Variants in MED12L observed in about 807,000 individuals in gnomAD.
The protein encoded by MED12L is mediator complex subunit 12L.
Under a neutral mutation model 281.3 loss-of-function variants are expected in MED12L, and 60 were observed. The ratio of observed to expected loss-of-function variants is 0.21; its 90% confidence interval spans 0.17 to 0.26. MED12L has a LOEUF of 0.26. Among genes scored for constraint, MED12L ranks in the 10% least tolerant of loss-of-function variants. The probability of loss-of-function intolerance (pLI) is 1.00; values close to 1 mark genes in which losing one functional copy is unlikely to be tolerated. For missense variants in MED12L, 2,146 were observed against 2,680.9 expected, an observed-to-expected ratio of 0.80 and a Z score of 4.41; for synonymous variants, 974 against 987.2, an observed-to-expected ratio of 0.99 and a Z score of 0.25.
intron 16 of MED12L, among the ~76,000 whole-genome samples, chr3:151,254,571 T>C (rs1737473637): frequency 6.6e-6 from 1 of 152,152 alleles, no homozygotes; most frequent in Admixed American, 6.5e-5. Context: ...CCAAACCTTA[T>C]TTAATCTAGT....
At chr3:151,197,034 A>G (rs77912227) in intron 16 of MED12L, among the ~76,000 whole-genome samples, 1,934 of 152,304 alleles carry the variant, frequency 0.013, 34 homozygotes, top group African/African-American at 0.038. Context: ...AATTTTTCCA[A>G]TATTCTTTTT....
At chr3:151,312,978 T>G (rs1747749647) in intron 16 of MED12L, among the ~76,000 whole-genome samples, 1 of 152,222 alleles carries the variant, frequency 6.6e-6, no homozygotes, top group Non-Finnish European at 1.5e-5. Context: ...CTCTAGTTTT[T>G]CAGATGAAAA....
In MED12L at chr3:151,383,893, G is replaced by A. The variant is rs144173444; in HGVS notation, c.4790+5G>A. On this transcript the variant is annotated splice_donor_5th_base_variant and intron_variant, in intron 34 of 44. Transcript: ENST00000687756. ...TGTTGACATGCACACTAACAAGTATGTTTTTATCACTTCACATTGATTTTG... is the reference window on the plus strand; with the variant it reads ...TGTTGACATGCACACTAACAAGTATATTTTTATCACTTCACATTGATTTTG... The A allele has an allele frequency of 6.2e-7, 1 of 1,608,892 alleles. No individual in the cohort carries two copies. Among genetic ancestry groups the A allele is most frequent in the Non-Finnish European group, 8.5e-7 (1 of 1,175,820 alleles).
At chr3:151,245,043 C>G (rs1021793286) in intron 16 of MED12L, among the ~76,000 whole-genome samples, 1 of 152,174 alleles carries the variant, frequency 6.6e-6, no homozygotes, top group South Asian at 2.1e-4. Context: ...TTCCTTGACA[C>G]ATACACTCTC....
intron 2 of MED12L, among the ~76,000 whole-genome samples, chr3:151,089,993 C>T (rs893299424): frequency 3.9e-5 from 6 of 152,198 alleles, no homozygotes; most frequent in African/African-American, 1.4e-4. Flanking sequence ...TATGCTTGGT[C>T]TCCCTTCTGG....
intron 32 of MED12L, among the ~76,000 whole-genome samples, chr3:151,382,417 T>C (rs561527151): frequency 2.0e-5 from 3 of 152,282 alleles, no homozygotes; most frequent in Non-Finnish European, 4.4e-5. Flanking sequence ...CCAGACTTAA[T>C]CATAGGCTAG....
Position 151,156,302 on chromosome 3 carries a change from A to G in MED12L, c.698A>G (p.Asn233Ser), listed in dbSNP as rs746603274. 1.2e-6 allele frequency: 2 copies of G among 1,610,918 alleles called. No individual in the cohort carries two copies. Among genetic ancestry groups the G allele is most frequent in the Admixed American group, 3.4e-5 (2 of 59,322 alleles). The change falls in exon 6 of 45, where the codon AAC becomes AGC. Residue 233 changes from asparagine (N) to serine (S), a missense_variant. This residue lies in a region of MED12L where 722 missense variants were observed against 861.2 expected (regional missense o/e 0.84). Coordinates refer to ENST00000687756, the MANE Select transcript of MED12L (RefSeq NM_001393769.1). ...CAAGCCATGAAGCAATGGGAATACA[A>G]CGAAAAGCTAGCATTTCACATGTTC... Reference protein sequence around the residue: ...VEQAMKQWEYNEKLAFHMFQE... With the variant: ...VEQAMKQWEYSEKLAFHMFQE...
chr3:151,380,080 C>A, intron 31 of MED12L, 33 bp from the exon 32 acceptor site: 1 of 1,320,186 alleles, frequency 7.6e-7, no homozygotes, highest in Non-Finnish European at 1.1e-6. Context: ...TTATTTCTAA[C>A]TAGATCTGTT....
chr3:151,329,505 C>G (rs1560035683), intron 16 of MED12L: 1 of 1,548,424 alleles, frequency 6.5e-7, no homozygotes, highest in East Asian at 2.5e-5. Flanking sequence ...TCAGTTCTCT[C>G]TGTCTTCTTA....
At chr3:151,188,097 C>G in intron 12 of MED12L, 1 of 222,688 alleles carries the variant, frequency 4.5e-6, no homozygotes, top group Non-Finnish European at 8.8e-6. Context: ...TTATATTCAC[C>G]TGTCTACGGC....
chr3:151,140,372 A>G (rs1576811290), intron 5 of MED12L, among the ~76,000 whole-genome samples: 1 of 152,172 alleles, frequency 6.6e-6, no homozygotes, highest in South Asian at 2.1e-4. Context: ...CTCTTGCAAA[A>G]CTGAAACTGC....
rs575835003 is a variant in MED12L at position 151,151,654 on chromosome 3, A to G, written c.557-4507A>G. ...ATGCAACAGCCAGAACACACGCAAC[A>G]TTTATCCATTAAGTTGGCTGTCTTA... On this transcript the variant is annotated intron_variant, in intron 5 of 44. Coordinates refer to ENST00000687756, the MANE Select transcript of MED12L (RefSeq NM_001393769.1). 9.5e-4 allele frequency among the ~76,000 whole-genome samples: 145 copies of G among 152,140 alleles called. 1 individual carries two copies. Among genetic ancestry groups the G allele is most frequent in the Non-Finnish European group, 1.7e-3 (117 of 67,998 alleles).
At chr3:151,285,280 C>T (rs1422666728) in intron 16 of MED12L, among the ~76,000 whole-genome samples, 2 of 151,928 alleles carry the variant, frequency 1.3e-5, no homozygotes, top group African/African-American at 2.4e-5. Context: ...GTCAGGAGAT[C>T]AAGACCATCC....
chr3:151,306,304 GTCA>G (rs1746640954), intron 16 of MED12L, among the ~76,000 whole-genome samples: 1 of 152,204 alleles, frequency 6.6e-6, no homozygotes, highest in South Asian at 2.1e-4. Context: ...GTGACAGGAG[GTCA>G]TGTTGATTAG....
intron 16 of MED12L, among the ~76,000 whole-genome samples, chr3:151,215,468 A>G (rs574967942): frequency 2.0e-5 from 3 of 152,224 alleles, no homozygotes; most frequent in African/African-American, 7.2e-5. Flanking sequence ...ATTTAACTTA[A>G]TTTTACTTTT....
intron 2 of MED12L, among the ~76,000 whole-genome samples, chr3:151,114,419 T>C (rs1712409801): frequency 6.6e-6 from 1 of 152,236 alleles, no homozygotes; most frequent in African/African-American, 2.4e-5. Flanking sequence ...GACCTCTTTC[T>C]CAGCTAGGGT....
chr3:151,211,536 A>G (rs1373211902), intron 16 of MED12L, among the ~76,000 whole-genome samples: 1 of 152,204 alleles, frequency 6.6e-6, no homozygotes, highest in Non-Finnish European at 1.5e-5. Context: ...CTATTAGAAC[A>G]GTGGAAAGTA....
intron 31 of MED12L, among the ~76,000 whole-genome samples, chr3:151,378,816 G>A (rs1711680623): frequency 6.6e-6 from 1 of 152,140 alleles, no homozygotes; most frequent in African/African-American, 2.4e-5. Context: ...TAAGCACATA[G>A]ATTTCTTGTC....
chr3:151,323,494 C>A (rs1414547001), intron 16 of MED12L, among the ~76,000 whole-genome samples: 1 of 152,192 alleles, frequency 6.6e-6, no homozygotes, highest in Non-Finnish European at 1.5e-5. Flanking sequence ...AGGCCCCCTG[C>A]AACCCTCACG....
Sources: gnomAD v4.1 joint callset for allele counts (sites outside exome capture counted in the v4.1 genomes callset) on GRCh38, gnomAD v4.1.1 for gene constraint, gnomAD v4.1.1 regional missense constraint, MANE v1.5 for transcripts, NCBI Gene and HGNC (gene_info 2026-07-23, HGNC 2026-07-21) for gene names.